The following NRXN3 variants were observed in gnomAD, a reference collection of about 807,000 sequenced individuals.
NRXN3 encodes the protein neurexin 3.
A neutral mutation model predicts 137.6 loss-of-function variants in NRXN3; 32 were observed. The ratio of observed to expected loss-of-function variants is 0.23; its 90% confidence interval spans 0.18 to 0.31. NRXN3 has a LOEUF of 0.31. Among genes scored for constraint, NRXN3 ranks in the 10% least tolerant of loss-of-function variants. NRXN3 has a pLI of 1.00. For missense variants in NRXN3, 1,574 were observed against 2,062.5 expected (o/e 0.76, Z 4.59); for synonymous variants, 798 against 784.5 (o/e 1.02, Z -0.29).
chr14:79,554,353 G>C (rs1416612535), intron 16 of NRXN3, among the ~76,000 whole-genome samples: 1 of 152,142 alleles, frequency 6.6e-6, no homozygotes, highest in Non-Finnish European at 1.5e-5. Flanking sequence ...TTAATTTTCT[G>C]CCAAACATTT....
intron 15 of NRXN3, among the ~76,000 whole-genome samples, chr14:79,363,633 G>A (rs1599200038): frequency 6.6e-6 from 1 of 151,476 alleles, no homozygotes; most frequent in Admixed American, 6.6e-5. Context: ...ATGGAAAAGA[G>A]GACTCTGAAG....
chr14:79,171,461 C>T (rs1402975237), intron 15 of NRXN3, among the ~76,000 whole-genome samples: 2 of 152,124 alleles, frequency 1.3e-5, no homozygotes, highest in Non-Finnish European at 2.9e-5. Context: ...TTACCTTGCA[C>T]TTAACAAAGC....
intron 14 of NRXN3, among the ~76,000 whole-genome samples, chr14:78,980,057 T>C (rs2099485484): frequency 6.6e-6 from 1 of 152,218 alleles, no homozygotes; most frequent in Non-Finnish European, 1.5e-5. Context: ...GGCAAACCCT[T>C]TGGTTAACAC....
chr14:78,713,835 G>A (rs974060614), intron 7 of NRXN3, among the ~76,000 whole-genome samples: 8 of 152,278 alleles, frequency 5.3e-5, no homozygotes, highest in Admixed American at 1.3e-4. Context: ...ACAACATGGA[G>A]GTAATGTCCC....
At chr14:78,810,946 A>G (rs1331487275) in intron 10 of NRXN3, among the ~76,000 whole-genome samples, 1 of 152,314 alleles carries the variant, frequency 6.6e-6, no homozygotes, top group East Asian at 1.9e-4. Flanking sequence ...CAGATACCCT[A>G]GTTCTTGAAG....
intron 4 of NRXN3, among the ~76,000 whole-genome samples, chr14:78,470,780 T>A (rs2095248613): frequency 6.6e-6 from 1 of 152,190 alleles, no homozygotes; most frequent in South Asian, 2.1e-4. Context: ...TTTTTTACAT[T>A]TTGAAGCACT....
intron 4 of NRXN3, among the ~76,000 whole-genome samples, chr14:78,637,894 G>A (rs1319995421): frequency 6.6e-6 from 1 of 152,138 alleles, no homozygotes; most frequent in Non-Finnish European, 1.5e-5. Flanking sequence ...CACATTACCT[G>A]GTGCATAGTA....
chr14:78,684,200 A>G (rs928010275), intron 6 of NRXN3, among the ~76,000 whole-genome samples: 3 of 152,158 alleles, frequency 2.0e-5, no homozygotes, highest in South Asian at 2.1e-4. Context: ...GTCAGGGTCT[A>G]TGGATCTTTG....
At chr14:78,424,612 T>C (rs765781543) in intron 4 of NRXN3, among the ~76,000 whole-genome samples, 1 of 152,190 alleles carries the variant, frequency 6.6e-6, no homozygotes, top group Non-Finnish European at 1.5e-5. Context: ...ATCTGAGACA[T>C]CCCCAGAGCA....
intron 8 of NRXN3, among the ~76,000 whole-genome samples, chr14:78,778,792 CTTTCT>C (rs2098757062): frequency 7.9e-6 from 1 of 127,216 alleles, no homozygotes; most frequent in Admixed American, 8.4e-5. Flanking sequence ...TTCTTTCTTT[CTTTCT>C]TTCTTTCTTT....
intron 1 of NRXN3, among the ~76,000 whole-genome samples, chr14:78,230,476 A>G (rs1271510574): frequency 1.3e-5 from 2 of 152,026 alleles, no homozygotes; most frequent in African/African-American, 4.8e-5. Context: ...TACAGTTCCT[A>G]TGGAAGGAGA....
At chr14:79,448,290 G>A (rs2096100353) in intron 15 of NRXN3, among the ~76,000 whole-genome samples, 1 of 152,180 alleles carries the variant, frequency 6.6e-6, no homozygotes, top group East Asian at 1.9e-4. Flanking sequence ...CCCTCAGAGG[G>A]GCCTGCCCTT....
At chr14:79,520,774 G>A (rs2097056651) in intron 16 of NRXN3, among the ~76,000 whole-genome samples, 2 of 152,210 alleles carry the variant, frequency 1.3e-5, no homozygotes, top group South Asian at 4.1e-4. Flanking sequence ...AACAGCAGAT[G>A]CTGGAGAGGA....
At chr14:78,200,499 A>T (rs1395462514) in intron 1 of NRXN3, among the ~76,000 whole-genome samples, 1 of 152,052 alleles carries the variant, frequency 6.6e-6, no homozygotes, top group Non-Finnish European at 1.5e-5. Context: ...CCTGAATCTG[A>T]CACTCTAGGG....
At chr14:78,464,178 G>A (rs1326745983) in intron 4 of NRXN3, among the ~76,000 whole-genome samples, 2 of 151,544 alleles carry the variant, frequency 1.3e-5, no homozygotes, top group South Asian at 2.1e-4. Flanking sequence ...TCAGCCTCCC[G>A]AGTAGCTGGG....
intron 16 of NRXN3, among the ~76,000 whole-genome samples, chr14:79,656,707 G>T (rs1371985964): frequency 1.3e-5 from 2 of 150,526 alleles, no homozygotes; most frequent in African/African-American, 4.9e-5. Context: ...TAGCATTTCA[G>T]ACTGTGGATC....
At chr14:78,292,816 T>C (rs902098882) in intron 3 of NRXN3, among the ~76,000 whole-genome samples, 2 of 152,176 alleles carry the variant, frequency 1.3e-5, no homozygotes, top group Admixed American at 6.5e-5. Flanking sequence ...TTGGCAGCCC[T>C]GGAATATCAA....
intron 4 of NRXN3, among the ~76,000 whole-genome samples, chr14:78,334,086 C>T (rs768308951): frequency 2.6e-5 from 4 of 152,106 alleles, no homozygotes; most frequent in Non-Finnish European, 5.9e-5. Context: ...GAAGGTATTG[C>T]CTTTCAGCAA....
intron 15 of NRXN3, among the ~76,000 whole-genome samples, chr14:79,381,259 T>C (rs2094462862): frequency 6.6e-6 from 1 of 151,894 alleles, no homozygotes; most frequent in South Asian, 2.1e-4. Flanking sequence ...CTTAATATGA[T>C]ATGGTGTTCT....
Sources: allele counts gnomAD v4.1 joint callset (sites outside exome capture counted in the v4.1 genomes callset), GRCh38; gene constraint gnomAD v4.1.1; transcripts MANE v1.5; gene names NCBI Gene and HGNC (gene_info 2026-07-23, HGNC 2026-07-21).